The following GPC5 variants were observed in gnomAD, a reference collection of about 807,000 sequenced individuals.
GPC5 encodes the protein glypican 5.
Under a neutral mutation model 53.9 loss-of-function variants are expected in GPC5, and 47 were observed. The observed-to-expected ratio is 0.87, with a 90% CI of 0.69 to 1.11. GPC5 has a LOEUF of 1.11. GPC5 is among the 50% of genes most tolerant of loss of function. The pLI is 0.00. For synonymous variants in GPC5, 286 were observed against 263.3 expected (o/e 1.09, Z -0.84); for missense variants, 748 against 713.1 (o/e 1.05, Z -0.56).
chr13:91,909,099 G>A (rs1420394300), intron 6 of GPC5, among the ~76,000 whole-genome samples: 3 of 152,160 alleles, frequency 2.0e-5, no homozygotes, highest in Non-Finnish European at 4.4e-5. Context: ...TCCCTTCTGC[G>A]AGGCAACAAT....
intron 7 of GPC5, among the ~76,000 whole-genome samples, chr13:92,298,039 C>G (rs1057453100): frequency 2.6e-5 from 4 of 152,050 alleles, no homozygotes; most frequent in African/African-American, 9.7e-5. Context: ...CCCACCAATT[C>G]CGGACACACT....
At chr13:92,198,234 T>A (rs1182446452) in intron 7 of GPC5, among the ~76,000 whole-genome samples, 2 of 152,184 alleles carry the variant, frequency 1.3e-5, no homozygotes, top group Non-Finnish European at 2.9e-5. Flanking sequence ...ATATGATATG[T>A]CTCTCCACAC....
intron 7 of GPC5, among the ~76,000 whole-genome samples, chr13:92,201,299 A>T (rs984011940): frequency 6.6e-6 from 1 of 152,230 alleles, no homozygotes; most frequent in Admixed American, 6.5e-5. Flanking sequence ...CTAAGTTACA[A>T]CAGTGACACT....
At chr13:91,407,565 AT>A (rs960146881) in intron 1 of GPC5, among the ~76,000 whole-genome samples, 6 of 151,992 alleles carry the variant, frequency 3.9e-5, no homozygotes, top group Non-Finnish European at 7.4e-5. Flanking sequence ...GTATTACTTG[AT>A]TTTTTTTCTG....
At chr13:92,562,087 A>C (rs1251346339) in intron 7 of GPC5, among the ~76,000 whole-genome samples, 1 of 152,102 alleles carries the variant, frequency 6.6e-6, no homozygotes, top group Non-Finnish European at 1.5e-5. Flanking sequence ...ATTCAGAAAT[A>C]ACTGTAATTC....
intron 2 of GPC5, among the ~76,000 whole-genome samples, chr13:91,456,942 C>A (rs1458027903): frequency 2.7e-5 from 4 of 149,976 alleles, no homozygotes; most frequent in Non-Finnish European, 5.9e-5. Context: ...TAGGGTATTT[C>A]CCTATTTATA....
chr13:92,821,752 T>C (rs1056628374), intron 7 of GPC5, among the ~76,000 whole-genome samples: 8 of 152,170 alleles, frequency 5.3e-5, no homozygotes, highest in African/African-American at 1.7e-4. Flanking sequence ...TAAAGAGTTC[T>C]ATATATCAGT....
chr13:92,425,715 C>T (rs1056487157), intron 7 of GPC5, among the ~76,000 whole-genome samples: 3 of 152,088 alleles, frequency 2.0e-5, no homozygotes, highest in Non-Finnish European at 4.4e-5. Flanking sequence ...CAACTTTAGA[C>T]AGTGCCTCTT....
intron 7 of GPC5, among the ~76,000 whole-genome samples, chr13:92,845,626 T>C (rs9556228): frequency 0.16 from 24,841 of 152,018 alleles, 2,213 homozygotes; most frequent in East Asian, 0.33. Context: ...CAAAAATACC[T>C]ACCCAAAAAC....
chr13:91,987,657 T>C (rs1278477293), intron 6 of GPC5, among the ~76,000 whole-genome samples: 1 of 150,578 alleles, frequency 6.6e-6, no homozygotes, highest in Non-Finnish European at 1.5e-5. Context: ...GAATTGTCAG[T>C]CCATGTATTG....
At chr13:91,448,539 A>G (rs933283304) in intron 1 of GPC5, among the ~76,000 whole-genome samples, 2 of 152,200 alleles carry the variant, frequency 1.3e-5, no homozygotes, top group African/African-American at 4.8e-5. Flanking sequence ...ATATTTGACC[A>G]AGAAGTTAAT....
chr13:92,527,187 A>G lies in GPC5; in HGVS notation c.1562-339095A>G, dbSNP rs1367147769. Among the ~76,000 whole-genome samples, 92 of 13,270 alleles carry G rather than the reference A, an allele frequency of 6.9e-3. 4 individuals carry two copies. Among genetic ancestry groups the G allele is most frequent in the Middle Eastern group, 0.045 (1 of 22 alleles). The allele number at this position is 13,270 out of a possible 152,430, so 8.7% of individuals were successfully genotyped here. On this transcript the variant is annotated intron_variant, in intron 7 of 7. Coordinates refer to ENST00000377067, the MANE Select transcript of GPC5 (RefSeq NM_004466.6). ...AAGAAAGAAAGAGAAAGAAAGAAGAAAGAAAGAAAGAAAGAAAGAAAGAAA... is the reference window on the plus strand; with the variant it reads ...AAGAAAGAAAGAGAAAGAAAGAAGAGAGAAAGAAAGAAAGAAAGAAAGAAA...
chr13:92,298,552 C>T (rs1470382777), intron 7 of GPC5, among the ~76,000 whole-genome samples: 3 of 152,268 alleles, frequency 2.0e-5, no homozygotes, highest in East Asian at 3.9e-4. Flanking sequence ...TAACTCAGCT[C>T]GAGGTACAGT....
chr13:91,878,964 T>A (rs1372712426), intron 5 of GPC5, among the ~76,000 whole-genome samples: 1 of 152,128 alleles, frequency 6.6e-6, no homozygotes, highest in East Asian at 1.9e-4. Context: ...GCCTAAGATT[T>A]CTCTCTATAA....
chr13:92,367,669 A>G (rs967566059), intron 7 of GPC5, among the ~76,000 whole-genome samples: 2 of 152,336 alleles, frequency 1.3e-5, no homozygotes, highest in East Asian at 3.9e-4. Context: ...CTCTAAATTT[A>G]TATCTTTATC....
intron 7 of GPC5, among the ~76,000 whole-genome samples, chr13:92,609,912 TC>T (rs1387980030): frequency 6.6e-6 from 1 of 150,624 alleles, no homozygotes; most frequent in Non-Finnish European, 1.5e-5. Context: ...GTGCCTGTAA[TC>T]CCAGCTCCTC....
intron 5 of GPC5, among the ~76,000 whole-genome samples, chr13:91,893,925 C>T (rs532230507): frequency 6.7e-6 from 1 of 150,346 alleles, no homozygotes; most frequent in East Asian, 1.9e-4. Flanking sequence ...TCTATGAGGG[C>T]AAGAAAGCAT....
chr13:91,947,404 G>A (rs1349505361), intron 6 of GPC5, among the ~76,000 whole-genome samples: 2 of 152,062 alleles, frequency 1.3e-5, no homozygotes, highest in Non-Finnish European at 2.9e-5. Flanking sequence ...GAATTCTTCT[G>A]GGTTACAACT....
chr13:91,688,024 T>C (rs924346778), intron 2 of GPC5, among the ~76,000 whole-genome samples: 1 of 152,114 alleles, frequency 6.6e-6, no homozygotes, highest in African/African-American at 2.4e-5. Flanking sequence ...ACATATTTTG[T>C]TACTTGACAG....
Sources: allele counts gnomAD v4.1 joint callset (sites outside exome capture counted in the v4.1 genomes callset), GRCh38; gene constraint gnomAD v4.1.1; transcripts MANE v1.5; gene names NCBI Gene and HGNC (gene_info 2026-07-23, HGNC 2026-07-21).